Variants in DAB1 observed in about 807,000 individuals in gnomAD.
DAB1 encodes the protein DAB adaptor protein 1, also known as disabled homolog 1.
A neutral mutation model predicts 64.6 loss-of-function variants in DAB1; 15 were observed. The observed-to-expected ratio is 0.23, with a 90% CI of 0.16 to 0.36. The LOEUF (loss-of-function observed/expected upper bound fraction) is 0.36. Ranked by LOEUF, DAB1 falls within the 10% of genes least tolerant of loss-of-function variation. The pLI is 1.00. For missense variants in DAB1, 596 were observed against 706.7 expected, an observed-to-expected ratio of 0.84 and a Z score of 1.78; for synonymous variants, 235 against 251.9, an observed-to-expected ratio of 0.93 and a Z score of 0.64.
intron 6 of DAB1, among the ~76,000 whole-genome samples, chr1:57,668,010 T>C (rs1352626672): frequency 6.6e-6 from 1 of 151,846 alleles, no homozygotes; most frequent in Non-Finnish European, 1.5e-5. Flanking sequence ...TGCACATGTA[T>C]CCCAGAACTT....
intron 5 of DAB1, among the ~76,000 whole-genome samples, chr1:58,072,859 C>T (rs1649362632): frequency 6.6e-6 from 1 of 152,180 alleles, no homozygotes; most frequent in Non-Finnish European, 1.5e-5. Flanking sequence ...TCCAGGTTTC[C>T]TATTCACTTT....
At chr1:58,257,886 G>T (rs17117200) in intron 4 of DAB1, among the ~76,000 whole-genome samples, 2 of 152,158 alleles carry the variant, frequency 1.3e-5, no homozygotes, top group Admixed American at 6.5e-5. Context: ...AGCTTCTACC[G>T]AGTGACAGGA....
At chr1:57,308,860 A>C (rs1674421077) in intron 1 of DAB1, among the ~76,000 whole-genome samples, 1 of 152,138 alleles carries the variant, frequency 6.6e-6, no homozygotes, top group Non-Finnish European at 1.5e-5. Context: ...GGCTGTAACC[A>C]AGCTAAGATC....
intron 5 of DAB1, among the ~76,000 whole-genome samples, chr1:57,984,222 AAG>A (rs1340817182): frequency 1.5e-4 from 23 of 149,666 alleles, no homozygotes; most frequent in Middle Eastern, 3.4e-3. Flanking sequence ...GAAAGAAAGA[AAG>A]AAAGAAAGAA....
intron 1 of DAB1, among the ~76,000 whole-genome samples, chr1:57,332,729 A>G (rs1026380758): frequency 2.0e-5 from 3 of 152,212 alleles, no homozygotes; most frequent in East Asian, 1.9e-4. Flanking sequence ...CCCATGCCCA[A>G]TAGATTTAAA....
chr1:57,232,247 C>A (rs1004316561), intron 2 of DAB1, among the ~76,000 whole-genome samples: 17 of 149,690 alleles, frequency 1.1e-4, no homozygotes, highest in African/African-American at 4.2e-4. Flanking sequence ...CATTATTATT[C>A]CTGCACCACC....
chr1:58,330,892 A>G (rs1662954358), intron 4 of DAB1, among the ~76,000 whole-genome samples: 1 of 152,222 alleles, frequency 6.6e-6, no homozygotes, highest in African/African-American at 2.4e-5. Flanking sequence ...AAAGAGATGA[A>G]TGTTGTTTTT....
chr1:57,575,958 C>G lies in DAB1; in HGVS notation n.625+73634G>C, dbSNP rs1225518630. On this transcript the variant is annotated intron_variant and non_coding_transcript_variant, in intron 7 of 20. Transcript: ENST00000485760. ...CCAAAAAATATGTTGCTGTCTTAAC[C>G]CCTAGTACTTCAGAATGCAAGCTTA... Among the ~76,000 whole-genome samples, 5 of 152,156 alleles carry G rather than the reference C, an allele frequency of 3.3e-5. 1 individual carries two copies. In the South Asian group the frequency reaches 1.0e-3, roughly 32 times the overall value.
chr1:58,274,589 G>T (rs1342453259), intron 4 of DAB1, among the ~76,000 whole-genome samples: 4 of 149,836 alleles, frequency 2.7e-5, no homozygotes, highest in African/African-American at 7.4e-5. Context: ...GCAATGGCGG[G>T]CGCCCCTCCC....
chr1:57,701,906 T>G (rs1406380897), intron 6 of DAB1, among the ~76,000 whole-genome samples: 1 of 152,150 alleles, frequency 6.6e-6, no homozygotes, highest in Admixed American at 6.6e-5. Flanking sequence ...GAATTGTTTA[T>G]TTCTGCACTA....
chr1:57,504,437 AG>A (rs1280819618), intron 7 of DAB1, among the ~76,000 whole-genome samples: 1 of 152,208 alleles, frequency 6.6e-6, no homozygotes, highest in East Asian at 1.9e-4. Flanking sequence ...CCATTTAAAG[AG>A]CTTCCAGTGG....
chr1:57,898,639 C>T (rs187700873), intron 5 of DAB1, among the ~76,000 whole-genome samples: 5 of 152,266 alleles, frequency 3.3e-5, no homozygotes, highest in Admixed American at 2.6e-4. Context: ...GCTCTCTTGC[C>T]TGGGTTCCAA....
intron 1 of DAB1, among the ~76,000 whole-genome samples, chr1:57,375,934 C>T (rs116786837): frequency 0.11 from 17,474 of 152,130 alleles, 1,118 homozygotes; most frequent in Admixed American, 0.15. Flanking sequence ...ATGAATCGAG[C>T]ATGGTTCCTG....
At chr1:57,747,824 AAAAAAAAAAG>A (rs1329409474) in intron 6 of DAB1, among the ~76,000 whole-genome samples, 2 of 149,440 alleles carry the variant, frequency 1.3e-5, no homozygotes, top group South Asian at 2.1e-4. Context: ...AAAAAAAAAA[AAAAAAAAAAG>A]AATACCATTG....
At chr1:57,203,037 T>A (rs2100283003) in intron 2 of DAB1, among the ~76,000 whole-genome samples, 1 of 152,350 alleles carries the variant, frequency 6.6e-6, no homozygotes, top group East Asian at 1.9e-4. Flanking sequence ...TTCATTGGAT[T>A]CTGAGTTAGG....
At position 58,266,854 on chromosome 1, in the gene DAB1, T is replaced by C. The variant is rs192589578; in HGVS notation, n.309+76498A>G. The stretch of plus-strand genomic sequence containing the variant: ...AGATATACAAATGTCTAACAAGCTG[T>C]AGTCCGTACTCTTACTGTAATCCAT... On this transcript the variant is annotated intron_variant and non_coding_transcript_variant, in intron 4 of 20. Coordinates refer to the DAB1 transcript ENST00000485760. 2.1e-3 allele frequency among the ~76,000 whole-genome samples: 317 copies of C among 152,356 alleles called. 1 individual carries two copies. The highest frequency in any genetic ancestry group is 7.0e-3 in the African/African-American group (293 of 41,582).
At chr1:57,485,798 T>C (rs1644083340) in intron 7 of DAB1, among the ~76,000 whole-genome samples, 1 of 152,086 alleles carries the variant, frequency 6.6e-6, no homozygotes, top group Non-Finnish European at 1.5e-5. Flanking sequence ...TCCTCTTGGC[T>C]GTCATAATCA....
chr1:58,461,388 T>C (rs1360144618), intron 3 of DAB1, among the ~76,000 whole-genome samples: 1 of 152,220 alleles, frequency 6.6e-6, no homozygotes, highest in South Asian at 2.1e-4. Flanking sequence ...GATTGAAACT[T>C]GCTCTCATTC....
intron 2 of DAB1, among the ~76,000 whole-genome samples, chr1:57,279,906 A>G (rs1256735878): frequency 2.0e-5 from 3 of 152,178 alleles, no homozygotes; most frequent in Admixed American, 1.3e-4. Flanking sequence ...ATATTTTATC[A>G]TCATTCCCTC....
Sources: allele counts gnomAD v4.1 joint callset (sites outside exome capture counted in the v4.1 genomes callset), GRCh38; gene constraint gnomAD v4.1.1; transcripts MANE v1.5; gene names NCBI Gene and HGNC (gene_info 2026-07-23, HGNC 2026-07-21).